The following HUWE1 variants were observed in gnomAD, a reference collection of about 807,000 sequenced individuals.
The protein encoded by HUWE1 is HECT, UBA and WWE domain containing E3 ubiquitin protein ligase 1, also known as E3 ubiquitin-protein ligase HUWE1.
Under a neutral mutation model 299.4 loss-of-function variants are expected in HUWE1, and 18 were observed. The observed-to-expected ratio is 0.06, with a 90% confidence interval of 0.04 to 0.09. The LOEUF (loss-of-function observed/expected upper bound fraction) is 0.09, where lower values mean the gene tolerates loss of function less well. HUWE1 is among the 10% of genes least tolerant of loss of function. HUWE1 has a pLI of 1.00. For missense variants in HUWE1, 1,832 were observed against 3,462.3 expected (o/e 0.53, Z 11.82); for synonymous variants, 1,317 against 1,286.1 (o/e 1.02, Z -0.51).
rs145555139 is a variant in HUWE1, at chrX:53,533,481, G to A, written c.13023-70C>T. On this transcript the variant is annotated intron_variant, in intron 83 of 83. Transcript: ENST00000262854. Reference sequence around the variant, plus strand: ...AACCAAATCTGTGTGTTCCCATGGTGCCCACCAGCCCCTCCCCTCCCTGAA... The same window carrying A: ...AACCAAATCTGTGTGTTCCCATGGTACCCACCAGCCCCTCCCCTCCCTGAA... 890 of 723,193 alleles carry A rather than the reference G, an allele frequency of 1.2e-3. 6 individuals are homozygous for A. In the African/African-American group the frequency reaches 0.017, roughly 14 times the overall value. The allele number at this position is 723,193 out of a possible 1,213,427, so 59.6% of individuals were successfully genotyped here.
chrX:53,545,242 G>A (rs2061496724), intron 70 of HUWE1, 81 bp from the exon 71 acceptor site: 3 of 954,221 alleles, frequency 3.1e-6, no homozygotes, highest in Admixed American at 5.0e-5. Flanking sequence ...TAAGACACCT[G>A]CTTAGGCCAC....
chrX:53,564,760 T>G, intron 50 of HUWE1, 38 bp from the exon 51 acceptor site: 1 of 1,208,918 alleles, frequency 8.3e-7, no homozygotes, highest in East Asian at 3.0e-5. Flanking sequence ...AATCAAAGAG[T>G]GCCTATGTGC....
Position 53,580,831 on chromosome X carries a change from C to T in HUWE1, c.5716G>A (p.Ala1906Thr). The change falls in exon 43 of 84, where the codon GCT (alanine) becomes ACT (threonine). Residue 1906 changes from alanine to threonine, a missense_variant and splice_region_variant. Around this residue, in one of 15 missense-constraint regions of HUWE1, gnomAD observed 47 missense variants for 45.8 expected, o/e 1.03. Transcript: ENST00000262854. ...ALPAPRGSGTASDDEFENLRI... is the reference protein window; with the variant it reads ...ALPAPRGSGTTSDDEFENLRI... The stretch of plus-strand genomic sequence containing the variant: ...AAGGCCAGGAGCAAGCGAAACTTAC[C>T]AGTTCCTGAGCCTCGAGGGGCAGGA... The T allele has an allele frequency of 6.6e-6, 8 of 1,211,215 alleles. No individual in the cohort carries two copies. Among genetic ancestry groups the T allele is most frequent in the Non-Finnish European group, 8.9e-6 (8 of 894,896 alleles).
intron 49 of HUWE1, 65 bp downstream of exon 49, chrX:53,568,627 C>T: frequency 1.9e-6 from 2 of 1,069,234 alleles, no homozygotes; most frequent in South Asian, 2.0e-5. Context: ...CACCAGCTAC[C>T]TCCACATCAT....
In HUWE1 at chrX:53,538,744, TCTCTCTCTC is replaced by T. The variant is rs1556915653; in HGVS notation, c.11878+82_11878+90del. The T allele has an allele frequency of 7.8e-5, 70 of 902,800 alleles. No homozygotes were observed. In the Middle Eastern group the frequency reaches 1.2e-3, roughly 15 times the overall value. 74.4% of individuals were successfully genotyped at this position (902,800 alleles called of 1,213,427 possible). A position where few individuals can be genotyped will look rare whatever the true frequency, so the allele number is the denominator to read the frequency against. Reference sequence around the variant, plus strand: ...CACACACTCTCTCTCTCTCTCTCTCTCTCTCTCTCATCAACTAAGGATTAACTGTATGAA... The same window carrying T: ...CACACACTCTCTCTCTCTCTCTCTCTATCAACTAAGGATTAACTGTATGAA... On this transcript the variant is annotated intron_variant, in intron 76 of 83. Coordinates refer to ENST00000262854, the MANE Select transcript of HUWE1 (RefSeq NM_031407.7).
At chrX:53,582,190 T>C (rs1452626757) in intron 42 of HUWE1, among the ~76,000 whole-genome samples, 1 of 112,659 alleles carries the variant, frequency 8.9e-6, no homozygotes, top group Non-Finnish European at 1.9e-5. Flanking sequence ...CCTCATCCAA[T>C]GAGGACCTAC....
intron 7 of HUWE1, among the ~76,000 whole-genome samples, chrX:53,637,582 C>G (rs1557027369): frequency 8.9e-6 from 1 of 112,464 alleles, no homozygotes; most frequent in Admixed American, 9.4e-5. Context: ...ACCACAAAAT[C>G]CTTCTTGCCA....
intron 4 of HUWE1, among the ~76,000 whole-genome samples, chrX:53,651,147 C>T (rs781883379): frequency 1.8e-5 from 2 of 108,769 alleles, no homozygotes; most frequent in African/African-American, 3.4e-5. Flanking sequence ...CCCTCCCCCA[C>T]CCCACCTGAG....
rs1347758273 is a variant in HUWE1 at position 53,647,372 on chromosome X, A to G, written c.347T>C (p.Ile116Thr). ...ACAGGCTTTAACCTCCCCTACCTCT[A>G]TGGAACTGTACAGATGCCGGGAAAA... ...YSFSRHLYSS[I>T]EHLTTLLASS... The change falls in exon 6 of 84, where the codon ATA becomes ACA. Residue 116 changes from isoleucine (I) to threonine (T), a missense_variant. Physicochemically the swap from Ile to Thr is moderately conservative, Grantham distance 89 (BLOSUM62 -1). Transcript: ENST00000262854. 4 of 1,198,660 alleles carry G rather than the reference A, an allele frequency of 3.3e-6. No homozygotes were observed. In the African/African-American group the frequency reaches 7.0e-5, roughly 21 times the overall value.
chrX:53,577,794 G>A (rs1556960767), intron 43 of HUWE1, among the ~76,000 whole-genome samples: 1 of 114,865 alleles, frequency 8.7e-6, no homozygotes, highest in East Asian at 2.7e-4. Context: ...GAGGCGCCGG[G>A]ATTGCAGACG....
At chrX:53,614,903 C>G (rs782548874) in intron 22 of HUWE1, among the ~76,000 whole-genome samples, 158 bp from the exon 23 acceptor site, 11 of 111,545 alleles carry the variant, frequency 9.9e-5, no homozygotes, top group Admixed American at 1.9e-4. Context: ...TCATTAATTA[C>G]ATTTTATAAA....
At chrX:53,568,136 C>T (rs1327336841) in intron 49 of HUWE1, among the ~76,000 whole-genome samples, 2 of 111,812 alleles carry the variant, frequency 1.8e-5, no homozygotes, top group Non-Finnish European at 3.8e-5. Flanking sequence ...AGATGTAATA[C>T]AAGTCCTTAA....
intron 43 of HUWE1, among the ~76,000 whole-genome samples, chrX:53,578,284 T>C (rs1487561807): frequency 2.2e-5 from 2 of 89,618 alleles, no homozygotes; most frequent in East Asian, 4.0e-4. Context: ...AGCCCCTCCG[T>C]CCGGCAGCCA....
Position 53,593,475 on chromosome X carries a change from C to T in HUWE1, c.3630G>A (p.Val1210=). 8.3e-7 allele frequency: 1 copy of T among 1,210,160 alleles called. No individual in the cohort carries two copies. Among genetic ancestry groups the T allele is most frequent in the Non-Finnish European group, 1.1e-6 (1 of 893,978 alleles). ...GAGATTCAAGCACCGTGGTGGGATT[C>T]ACCATCTTCTCCACCAGCATAAGCC... is the stretch of plus-strand genomic sequence containing the variant. ...DAWLMLVEKM[V]NPTTVLESPH... Residue 1210 remains valine (V), a synonymous_variant, in exon 32 of 84, where the codon GTG becomes GTA. Transcript: ENST00000262854.
rs367769309 is a variant in HUWE1 at position 53,581,046 on chromosome X, A to G, written c.5521-20T>C. On this transcript the variant is annotated intron_variant, in intron 42 of 83. Transcript: ENST00000262854. ...AACAACCTAGTAAAGAGAGAAAGAAACACTGTCGATTAAACACTACTTTCT... is the reference window on the plus strand; with the variant it reads ...AACAACCTAGTAAAGAGAGAAAGAAGCACTGTCGATTAAACACTACTTTCT... 8.7e-7 allele frequency: 1 copy of G among 1,151,728 alleles called. No individual in the cohort carries two copies. Among genetic ancestry groups the G allele is most frequent in the Non-Finnish European group, 1.2e-6 (1 of 849,697 alleles). The allele number at this position is 1,151,728 out of a possible 1,213,427, so 94.9% of individuals were successfully genotyped here.
chrX:53,544,447 C>G, intron 72 of HUWE1, 113 bp downstream of exon 72: 1 of 578,137 alleles, frequency 1.7e-6, no homozygotes, highest in Non-Finnish European at 2.9e-6. Flanking sequence ...TAATCATTTT[C>G]CTTTTGGAAA....
At position 53,532,657 on chromosome X, in the gene HUWE1, T is replaced by A. The variant is rs2060823930; in HGVS notation, c.*652A>T. 1 of 109,849 alleles carries A rather than the reference T, an allele frequency of 9.1e-6. No homozygotes were observed. The highest frequency in any genetic ancestry group is 1.9e-5 in the Non-Finnish European group (1 of 52,708). The allele number at this position is 109,849 out of a possible 1,213,427, so 9.1% of individuals were successfully genotyped here. A position where few individuals can be genotyped will look rare whatever the true frequency, so the allele number is the denominator to read the frequency against. Reference sequence around the variant, plus strand: ...CTGAAGGAGGAAGTTGCACCAGTGGTGGAGGCAGGTGGGCAAGCGGGTAGG... The same window carrying A: ...CTGAAGGAGGAAGTTGCACCAGTGGAGGAGGCAGGTGGGCAAGCGGGTAGG... On this transcript the variant is annotated 3_prime_UTR_variant, in exon 84 of 84. Coordinates refer to ENST00000262854, the MANE Select transcript of HUWE1 (RefSeq NM_031407.7).
intron 61 of HUWE1, among the ~76,000 whole-genome samples, chrX:53,553,163 G>C (rs1227848268): frequency 9.1e-6 from 1 of 110,051 alleles, no homozygotes; most frequent in Non-Finnish European, 1.9e-5. Flanking sequence ...TTTGGCAGGG[G>C]GATGGAGTCT....
chrX:53,642,162 G>A (rs1325404116), intron 7 of HUWE1, among the ~76,000 whole-genome samples: 2 of 111,421 alleles, frequency 1.8e-5, no homozygotes, highest in Non-Finnish European at 3.8e-5. Context: ...TCGAAACCTC[G>A]GATAAGGGGA....
Sources: gnomAD v4.1 joint callset for allele counts (sites outside exome capture counted in the v4.1 genomes callset) on GRCh38, gnomAD v4.1.1 for gene constraint, gnomAD v4.1.1 regional missense constraint, MANE v1.5 for transcripts, NCBI Gene and HGNC (gene_info 2026-07-23, HGNC 2026-07-21) for gene names.